SDK2: variants seen among roughly 807,000 people sequenced by gnomAD.
SDK2 encodes protein sidekick-2.
In SDK2, 105 loss-of-function variants were observed where a neutral mutation model predicts 253.9. The observed-to-expected ratio is 0.41, with a 90% CI of 0.35 to 0.49. The LOEUF (loss-of-function observed/expected upper bound fraction) is 0.49, where lower values mean the gene tolerates loss of function less well. SDK2 is among the 20% of genes least tolerant of loss of function. The pLI is 0.06. For synonymous variants in SDK2, 1,249 were observed against 1,234.9 expected (o/e 1.01, Z -0.24); for missense variants, 2,608 against 3,003.0 (o/e 0.87, Z 3.07).
Position 73,431,575 on chromosome 17 carries a change from A to G in SDK2, c.1407T>C (p.Asp469=), listed in dbSNP as rs1017570552. 5 of 1,613,334 alleles carry G rather than the reference A, an allele frequency of 3.1e-6. No homozygotes were observed. Among genetic ancestry groups the G allele is most frequent in the Admixed American group, 3.3e-5 (2 of 59,968 alleles). Residue 469 remains aspartate (D), a synonymous_variant, in exon 11 of 45, where the codon GAT becomes GAC. Coordinates refer to ENST00000392650, the MANE Select transcript of SDK2 (RefSeq NM_001144952.2). The surrounding 1 kb of genome is among the most constrained non-coding windows in gnomAD (Gnocchi z 5.6). The part of the protein sequence containing the change: ...SLLISPTHIS[D]AGTYTCLATN... Reference sequence around the variant, plus strand: ...TGGCCAGGCAGGTGTAGGTCCCCGCATCGGAGATGTGTGTGGGGCTGATGA... The same window carrying G: ...TGGCCAGGCAGGTGTAGGTCCCCGCGTCGGAGATGTGTGTGGGGCTGATGA...
chr17:73,560,528 C>T (rs527793801), intron 1 of SDK2, among the ~76,000 whole-genome samples: 189 of 151,588 alleles, frequency 1.2e-3, no homozygotes, highest in African/African-American at 4.1e-3. Flanking sequence ...TTAGTAGAGA[C>T]GGTGTTTCAC....
intron 1 of SDK2, among the ~76,000 whole-genome samples, chr17:73,529,616 A>G (rs2064153687): frequency 6.6e-6 from 1 of 152,198 alleles, no homozygotes; most frequent in Non-Finnish European, 1.5e-5. Context: ...CCTTGAATCC[A>G]ATGACTAGTG....
At chr17:73,557,341 C>T (rs879632097) in intron 1 of SDK2, among the ~76,000 whole-genome samples, 4 of 151,478 alleles carry the variant, frequency 2.6e-5, no homozygotes, top group African/African-American at 4.9e-5. Context: ...TCTTGCCTGT[C>T]GCCCAGGCTG....
Position 73,393,687 on chromosome 17 carries a change from C to T in SDK2, c.3771G>A (p.Ser1257=), listed in dbSNP as rs34322745. The stretch of plus-strand genomic sequence containing the variant: ...AGCCGGTGAGCTGGGCACTGCGAGA[C>T]GAGTTGCCTTCCACCAGCCAGAATC... The part of the protein sequence containing the change: ...QPRFWLVEGN[S]SRSAQLTGLG... The change falls in exon 27 of 45, where the codon TCG becomes TCA. Residue 1257 remains serine (S), a synonymous_variant. Transcript: ENST00000392650. 0.042 allele frequency: 67,609 copies of T among 1,595,486 alleles called. 1,737 individuals carry two copies. The highest frequency in any genetic ancestry group is 0.083 in the South Asian group (7,423 of 89,218).
At position 73,526,647 on chromosome 17, in the gene SDK2, G is replaced by A. The variant is rs549484964; in HGVS notation, c.65-19050C>T. 2.0e-5 allele frequency among the ~76,000 whole-genome samples: 3 copies of A among 152,184 alleles called. No individual in the cohort carries two copies. In the South Asian group the frequency reaches 6.2e-4, roughly 32 times the overall value. On this transcript the variant is annotated intron_variant, in intron 1 of 44. Coordinates refer to ENST00000392650, the MANE Select transcript of SDK2 (RefSeq NM_001144952.2). The stretch of plus-strand genomic sequence containing the variant: ...TGTACATAGGTGTGTGTGTGCATGT[G>A]TATGTGTGCATATGTGTGTGTTTGC...
At chr17:73,571,214 G>A (rs9906683) in intron 1 of SDK2, among the ~76,000 whole-genome samples, 3,259 of 152,222 alleles carry the variant, frequency 0.021, 45 homozygotes, top group Middle Eastern at 0.068. Flanking sequence ...GATTACAGGC[G>A]TGAGCCACCA....
rs904568000 is a variant in SDK2, at chr17:73,643,873, A to G, written c.64+152T>C. On this transcript the variant is annotated intron_variant, in intron 1 of 44. Coordinates refer to ENST00000392650, the MANE Select transcript of SDK2 (RefSeq NM_001144952.2). The surrounding 1 kb of genome is among the most constrained non-coding windows in gnomAD (Gnocchi z 6.9). ...CCCCAAAAGAGCCCCAAAACTTGGG[A>G]GATGGGGTGTCTTGAAACTCCCTGG... 3.3e-5 allele frequency among the ~76,000 whole-genome samples: 5 copies of G among 151,926 alleles called. No individual in the cohort carries two copies. The highest frequency in any genetic ancestry group is 1.2e-4 in the African/African-American group (5 of 41,388).
intron 40 of SDK2, among the ~76,000 whole-genome samples, chr17:73,355,195 T>TTTTTTTTTTTTG (rs1264124736): frequency 8.0e-6 from 1 of 125,190 alleles, no homozygotes; most frequent in Non-Finnish European, 1.7e-5. Flanking sequence ...TTTTTTTTTT[T>TTTTTTTTTTTTG]AGACGGAGTC....
At chr17:73,483,373 C>T (rs958986063) in intron 2 of SDK2, among the ~76,000 whole-genome samples, 1 of 132,794 alleles carries the variant, frequency 7.5e-6, no homozygotes, top group African/African-American at 2.9e-5. Flanking sequence ...AGTGCAGTGG[C>T]GCGATCTCGG....
In SDK2 at chr17:73,380,957, G is replaced by A. The variant is rs374092221; in HGVS notation, c.4706-7C>T. 1.1e-5 allele frequency: 17 copies of A among 1,547,888 alleles called. No homozygotes were observed. The East Asian group carries it at 2.2e-4, about 20-fold the overall frequency. ...TTCCGCATGGAGTACATGGCTATGG[G>A]GTGGGGGTGCCGGGGCGGGGGCGCA... On this transcript the variant is annotated splice_region_variant and splice_polypyrimidine_tract_variant and intron_variant, in intron 33 of 44. Coordinates refer to ENST00000392650, the MANE Select transcript of SDK2 (RefSeq NM_001144952.2).
chr17:73,429,556 C>T (rs1186743450), intron 12 of SDK2, among the ~76,000 whole-genome samples: 2 of 152,218 alleles, frequency 1.3e-5, no homozygotes, highest in Non-Finnish European at 2.9e-5. Flanking sequence ...GGTCCAGTGG[C>T]CACCAGATGG....
rs563904167 is a variant in SDK2 at position 73,431,217 on chromosome 17, G to C, written c.1480+285C>G. On this transcript the variant is annotated intron_variant, in intron 11 of 44. Coordinates refer to ENST00000392650, the MANE Select transcript of SDK2 (RefSeq NM_001144952.2). This position sits in a 1 kb window ranked among gnomAD's most constrained non-coding sequence, Gnocchi z 5.6. Reference sequence around the variant, plus strand: ...ATCTGGCCCTTTCTTGAAAATATTTGCCGATTTCTGCCCTAAAATATATGA... The same window carrying C: ...ATCTGGCCCTTTCTTGAAAATATTTCCCGATTTCTGCCCTAAAATATATGA... Among the ~76,000 whole-genome samples the C allele has an allele frequency of 1.3e-5, 2 of 152,148 alleles. No individual in the cohort carries two copies. Among genetic ancestry groups the C allele is most frequent in the Non-Finnish European group, 2.9e-5 (2 of 68,020 alleles).
At chr17:73,378,166 A>G (rs901092369) in intron 36 of SDK2, among the ~76,000 whole-genome samples, 5 of 149,682 alleles carry the variant, frequency 3.3e-5, no homozygotes, top group Non-Finnish European at 5.9e-5. Flanking sequence ...ATGGCTCCAC[A>G]TGGCCTACTG....
chr17:73,387,802 G>A (rs1168718074), intron 30 of SDK2, 34 bp downstream of exon 30: 1 of 1,509,412 alleles, frequency 6.6e-7, no homozygotes, highest in Admixed American at 2.0e-5. Context: ...GGGGAGAGGG[G>A]CAGTGGGGAT....
intron 20 of SDK2, among the ~76,000 whole-genome samples, chr17:73,401,448 G>T (rs1026844822): frequency 6.6e-6 from 1 of 152,204 alleles, no homozygotes. Context: ...CAGCCACTGA[G>T]ATCTGTGGCA....
chr17:73,382,218 CAAAAA>C (rs34453546), intron 33 of SDK2, among the ~76,000 whole-genome samples: 3 of 126,712 alleles, frequency 2.4e-5, no homozygotes, highest in Admixed American at 7.8e-5. Flanking sequence ...AACTCCATTT[CAAAAA>C]AAAAAAAAAA....
rs150488039 is a variant in SDK2, at chr17:73,417,737, C to T, written c.2186+1429G>A. Among the ~76,000 whole-genome samples the T allele has an allele frequency of 2.3e-3, 356 of 152,178 alleles. 4 individuals carry two copies. The highest frequency in any genetic ancestry group is 7.7e-3 in the African/African-American group (320 of 41,512). On this transcript the variant is annotated intron_variant, in intron 16 of 44. Coordinates refer to ENST00000392650, the MANE Select transcript of SDK2 (RefSeq NM_001144952.2). ...AAGGCTCCCTCTTCTGAAAGTTACT[C>T]GCCCAGGTGGAATGAAACACCTGGG...
chr17:73,639,012 G>A lies in SDK2; in HGVS notation c.64+5013C>T, dbSNP rs1038167915. 3.3e-5 allele frequency among the ~76,000 whole-genome samples: 5 copies of A among 152,058 alleles called. No individual in the cohort carries two copies. Among genetic ancestry groups the A allele is most frequent in the African/African-American group, 9.7e-5 (4 of 41,404 alleles). On this transcript the variant is annotated intron_variant, in intron 1 of 44. Coordinates refer to ENST00000392650, the MANE Select transcript of SDK2 (RefSeq NM_001144952.2). This position sits in a 1 kb window ranked among gnomAD's most constrained non-coding sequence, Gnocchi z 4.3. ...TTTAATAGAGATGGGGTTTCCCCAC[G>A]TTGGCCAGGCTGGTCTCGAACTCCT...
At chr17:73,549,782 G>A (rs537344363) in intron 1 of SDK2, among the ~76,000 whole-genome samples, 14 of 152,098 alleles carry the variant, frequency 9.2e-5, no homozygotes, top group Non-Finnish European at 1.9e-4. Context: ...GGGTGAGAGC[G>A]GGGCTCAAGA....
Sources: gnomAD v4.1 joint callset for allele counts (sites outside exome capture counted in the v4.1 genomes callset) on GRCh38, gnomAD v4.1.1 for gene constraint, Gnocchi (gnomAD v3.1) non-coding constraint, MANE v1.5 for transcripts, NCBI Gene and HGNC (gene_info 2026-07-23, HGNC 2026-07-21) for gene names.